PCDH9: variants seen among roughly 807,000 people sequenced by gnomAD.
The protein encoded by PCDH9 is protocadherin-9.
A neutral mutation model predicts 70.6 loss-of-function variants in PCDH9; 24 were observed. That is an observed-to-expected ratio of 0.34 (90% CI 0.25 to 0.48). The LOEUF is 0.48. Among genes scored for constraint, PCDH9 ranks in the 20% least tolerant of loss-of-function variants. The probability of loss-of-function intolerance (pLI) is 0.99; values close to 1 mark genes in which losing one functional copy is unlikely to be tolerated. For synonymous variants in PCDH9, 562 were observed against 558.5 expected, an observed-to-expected ratio of 1.01 and a Z score of -0.09; for missense variants, 1,281 against 1,503.6, an observed-to-expected ratio of 0.85 and a Z score of 2.45.
At chr13:67,116,564 A>G (rs2086779892) in intron 2 of PCDH9, among the ~76,000 whole-genome samples, 1 of 152,202 alleles carries the variant, frequency 6.6e-6, no homozygotes, top group Non-Finnish European at 1.5e-5. Flanking sequence ...TGAATAAAAA[A>G]AAATTTCTTG....
At chr13:66,346,317 G>A (rs924352845) in intron 4 of PCDH9, among the ~76,000 whole-genome samples, 7 of 152,176 alleles carry the variant, frequency 4.6e-5, no homozygotes, top group Non-Finnish European at 8.8e-5. Flanking sequence ...CTTCCATGAC[G>A]AGCACACAAC....
intron 2 of PCDH9, among the ~76,000 whole-genome samples, chr13:67,038,990 G>A (rs189688673): frequency 9.8e-5 from 15 of 152,304 alleles, no homozygotes; most frequent in Non-Finnish European, 2.1e-4. Flanking sequence ...AAACACCAGG[G>A]AGGAGAGGGG....
chr13:67,031,054 T>C (rs144831435), intron 2 of PCDH9, among the ~76,000 whole-genome samples: 25 of 152,326 alleles, frequency 1.6e-4, no homozygotes, highest in African/African-American at 6.0e-4. Flanking sequence ...TAACTTTGTA[T>C]TCAAAGCATA....
Position 67,226,865 on chromosome 13 carries a change from C to T in PCDH9, c.1576G>A (p.Ala526Thr). ...TCTTCTCTGTCAAATACTCTGGAGG[C>T]TGTCAAAACTCCTGTTTTTCGGTCC... ...DLDRKTGVLT[A>T]SRVFDREEQE... Residue 526 changes from alanine (A) to threonine (T), a missense_variant, in exon 2 of 5, where the codon GCC (alanine) becomes ACC (threonine). Coordinates refer to ENST00000377865, the MANE Select transcript of PCDH9 (RefSeq NM_203487.3). This position sits in a 1 kb window ranked among gnomAD's most constrained non-coding sequence, Gnocchi z 5.0. 6.2e-7 allele frequency: 1 copy of T among 1,614,176 alleles called. No homozygotes were observed. The highest frequency in any genetic ancestry group is 8.5e-7 in the Non-Finnish European group (1 of 1,180,030).
chr13:66,431,884 GA>G (rs1262616078), intron 4 of PCDH9, among the ~76,000 whole-genome samples: 3 of 151,902 alleles, frequency 2.0e-5, no homozygotes, highest in African/African-American at 7.2e-5. Flanking sequence ...TAGACTATTG[GA>G]AAAAGACAAG....
chr13:67,019,280 G>A (rs929092368), intron 2 of PCDH9, among the ~76,000 whole-genome samples: 13 of 136,082 alleles, frequency 9.6e-5, no homozygotes, highest in Admixed American at 6.8e-4. Flanking sequence ...TGCAAGCTCC[G>A]CCTCCCGGGT....
chr13:66,599,796 T>G (rs561103685), intron 4 of PCDH9, among the ~76,000 whole-genome samples: 1 of 151,982 alleles, frequency 6.6e-6, no homozygotes, highest in South Asian at 2.1e-4. Flanking sequence ...TGCTCTCAGT[T>G]TAGACTATAT....
intron 2 of PCDH9, chr13:67,219,113 T>C (rs929816939): frequency 2.6e-5 from 4 of 152,050 alleles, no homozygotes; most frequent in African/African-American, 9.7e-5. Context: ...AGGACAAAAA[T>C]ATGAATGAGA....
At chr13:66,382,924 C>T (rs9599108) in intron 4 of PCDH9, among the ~76,000 whole-genome samples, 13,036 of 152,000 alleles carry the variant, frequency 0.086, 595 homozygotes, top group South Asian at 0.11. Flanking sequence ...CCCAGCTATT[C>T]GGGAGGCTGA....
chr13:66,361,136 C>T (rs75093467), intron 4 of PCDH9, among the ~76,000 whole-genome samples: 10,119 of 152,088 alleles, frequency 0.067, 455 homozygotes, highest in South Asian at 0.11. Flanking sequence ...GCACCACTGG[C>T]ATCTATTAAA....
intron 3 of PCDH9, among the ~76,000 whole-genome samples, chr13:66,667,029 T>A (rs1349428069): frequency 1.3e-5 from 2 of 152,070 alleles, no homozygotes; most frequent in Non-Finnish European, 2.9e-5. Context: ...TAGAAATAAT[T>A]TTTTAGGGAC....
At chr13:66,342,394 A>G (rs763473814) in intron 4 of PCDH9, among the ~76,000 whole-genome samples, 7 of 152,226 alleles carry the variant, frequency 4.6e-5, no homozygotes, top group Non-Finnish European at 1.0e-4. Context: ...CAACTATAAT[A>G]ATCATCAAAA....
intron 3 of PCDH9, among the ~76,000 whole-genome samples, chr13:66,681,873 C>G (rs2078325157): frequency 6.7e-6 from 1 of 149,792 alleles, no homozygotes; most frequent in Non-Finnish European, 1.5e-5. Flanking sequence ...AGGCATTTCA[C>G]AAATATCTGT....
chr13:66,485,735 T>A (rs2138519557), intron 4 of PCDH9, among the ~76,000 whole-genome samples: 1 of 152,084 alleles, frequency 6.6e-6, no homozygotes, highest in Admixed American at 6.5e-5. Flanking sequence ...TTTATTTATT[T>A]ATTTTTTATT....
At chr13:67,065,911 G>A (rs1311360126) in intron 2 of PCDH9, among the ~76,000 whole-genome samples, 2 of 152,060 alleles carry the variant, frequency 1.3e-5, no homozygotes, top group Non-Finnish European at 2.9e-5. Flanking sequence ...ATCAGTACAT[G>A]TTTTGAAAGA....
chr13:67,070,542 T>G (rs941155724), intron 2 of PCDH9, among the ~76,000 whole-genome samples: 1 of 152,174 alleles, frequency 6.6e-6, no homozygotes, highest in African/African-American at 2.4e-5. Flanking sequence ...CTACCTGCTG[T>G]GTTTGTTTAT....
chr13:66,378,529 A>G (rs969436871), intron 4 of PCDH9, among the ~76,000 whole-genome samples: 3 of 152,152 alleles, frequency 2.0e-5, no homozygotes, highest in African/African-American at 7.2e-5. Flanking sequence ...TAAATGAGAA[A>G]CCTGAAAACC....
chr13:67,153,717 T>C (rs1022466250), intron 2 of PCDH9, among the ~76,000 whole-genome samples: 4 of 152,232 alleles, frequency 2.6e-5, no homozygotes, highest in African/African-American at 9.6e-5. Flanking sequence ...AACCCTTTAG[T>C]ATCTACCCTC....
chr13:66,849,507 TATATATATATAGAGAGAG>T (rs1456061760), intron 3 of PCDH9, among the ~76,000 whole-genome samples: 5 of 90,020 alleles, frequency 5.6e-5, no homozygotes, highest in South Asian at 3.9e-4. Flanking sequence ...TATATATATA[TATATATATATAGAGAGAG>T]AGAGAGAGAG....
Sources: allele counts gnomAD v4.1 joint callset (sites outside exome capture counted in the v4.1 genomes callset), GRCh38; gene constraint gnomAD v4.1.1; non-coding constraint Gnocchi (gnomAD v3.1); transcripts MANE v1.5; gene names NCBI Gene and HGNC (gene_info 2026-07-23, HGNC 2026-07-21).